Variants in PRKN observed in about 807,000 individuals in gnomAD.
The protein encoded by PRKN is E3 ubiquitin-protein ligase parkin.
PRKN carries 56 observed loss-of-function variants against 59.5 expected under a neutral mutation model. The ratio of observed to expected loss-of-function variants is 0.94; its 90% CI spans 0.76 to 1.18. The LOEUF (loss-of-function observed/expected upper bound fraction) is 1.18. Ranked by LOEUF, PRKN falls within the 50% of genes most tolerant of loss-of-function variation. The probability of loss-of-function intolerance (pLI) is 0.00; values close to 1 mark genes in which losing one functional copy is unlikely to be tolerated. For missense variants in PRKN, 657 were observed against 596.4 expected (o/e 1.10, Z -1.06); for synonymous variants, 250 against 222.1 (o/e 1.13, Z -1.12).
At chr6:161,733,202 A>C (rs1192196939) in intron 7 of PRKN, among the ~76,000 whole-genome samples, 1 of 152,198 alleles carries the variant, frequency 6.6e-6, no homozygotes, top group Non-Finnish European at 1.5e-5. Context: ...AATTTAGGAC[A>C]ATATGGATTT....
intron 7 of PRKN, among the ~76,000 whole-genome samples, chr6:161,700,548 T>C (rs1182305328): frequency 6.6e-6 from 1 of 152,192 alleles, no homozygotes; most frequent in East Asian, 1.9e-4. Flanking sequence ...GGTTAGCTGT[T>C]GGAGGCTACA....
chr6:162,552,301 T>C (rs774291987), intron 1 of PRKN, among the ~76,000 whole-genome samples: 49 of 152,082 alleles, frequency 3.2e-4, no homozygotes, highest in Admixed American at 3.9e-4. Context: ...AAACGGGGTT[T>C]TAGCAGGAAA....
At chr6:162,156,734 G>A (rs147897511) in intron 4 of PRKN, among the ~76,000 whole-genome samples, 2,738 of 152,200 alleles carry the variant, frequency 0.018, 83 homozygotes, top group African/African-American at 0.061. Context: ...GACACACCCA[G>A]GAACAATACT....
intron 1 of PRKN, among the ~76,000 whole-genome samples, chr6:162,720,573 C>T (rs1371411659): frequency 1.3e-5 from 2 of 151,176 alleles, no homozygotes; most frequent in Non-Finnish European, 2.9e-5. Flanking sequence ...GCCTCAGCCT[C>T]CCGAGTAGCT....
chr6:162,107,827 T>G (rs959342389), intron 4 of PRKN, among the ~76,000 whole-genome samples: 1 of 152,186 alleles, frequency 6.6e-6, no homozygotes, highest in Non-Finnish European at 1.5e-5. Flanking sequence ...TCCATAAACT[T>G]TTCCTATTTC....
At chr6:161,801,918 C>G (rs1320895801) in intron 6 of PRKN, among the ~76,000 whole-genome samples, 1 of 152,128 alleles carries the variant, frequency 6.6e-6, no homozygotes, top group Non-Finnish European at 1.5e-5. Context: ...TTCATTCCTT[C>G]ATTCAACTAA....
chr6:162,189,368 TC>T (rs1291903924), intron 4 of PRKN, among the ~76,000 whole-genome samples: 2 of 151,396 alleles, frequency 1.3e-5, no homozygotes, highest in Non-Finnish European at 2.9e-5. Flanking sequence ...CTAATTATCT[TC>T]TATAGGAGGG....
chr6:162,329,397 C>T (rs1227168069), intron 2 of PRKN, among the ~76,000 whole-genome samples: 1 of 152,070 alleles, frequency 6.6e-6, no homozygotes, highest in Non-Finnish European at 1.5e-5. Context: ...TCGATGGCTC[C>T]TTTTAGCACT....
At chr6:161,420,633 G>C (rs4521560) in intron 9 of PRKN, among the ~76,000 whole-genome samples, 140,741 of 152,148 alleles carry the variant, frequency 0.93, 65,209 homozygotes, top group African/African-American at 0.97. Context: ...CCACCTCAGC[G>C]TCCTGAGCTG....
chr6:161,647,466 A>C (rs1363265084), intron 7 of PRKN, among the ~76,000 whole-genome samples: 1 of 152,154 alleles, frequency 6.6e-6, no homozygotes, highest in African/African-American at 2.4e-5. Flanking sequence ...AGAGCATAGT[A>C]AGCAGAGATG....
chr6:161,938,037 C>T (rs1161253310), intron 6 of PRKN, among the ~76,000 whole-genome samples: 1 of 152,064 alleles, frequency 6.6e-6, no homozygotes, highest in Non-Finnish European at 1.5e-5. Context: ...AATTGGACAA[C>T]CTAGGTCAAT....
At chr6:162,346,427 G>T (rs1562689897) in intron 2 of PRKN, among the ~76,000 whole-genome samples, 1 of 147,316 alleles carries the variant, frequency 6.8e-6, no homozygotes, top group Non-Finnish European at 1.5e-5. Context: ...ACCAGCCTGG[G>T]CAACATAGTG....
intron 1 of PRKN, among the ~76,000 whole-genome samples, chr6:162,451,858 TA>T (rs1790643699): frequency 6.6e-6 from 1 of 152,126 alleles, no homozygotes; most frequent in South Asian, 2.1e-4. Flanking sequence ...TGTGATGAAA[TA>T]AATAAATTTA....
chr6:162,614,136 C>T (rs1782302464), intron 1 of PRKN, among the ~76,000 whole-genome samples: 1 of 151,718 alleles, frequency 6.6e-6, no homozygotes. Flanking sequence ...CTTTTGTCTT[C>T]TCCTATAGTA....
rs143737718 is a variant in PRKN at position 162,094,404 on chromosome 6, G to A, written c.535-40230C>T. On this transcript the variant is annotated intron_variant, in intron 4 of 11. Coordinates refer to ENST00000366898, the MANE Select transcript of PRKN (RefSeq NM_004562.3). Reference sequence around the variant, plus strand: ...GAGGCTGAGGCAGGAGGATTGCTTGGGCCCAGGAGGTTGGGGCTGCAGGCA... The same window carrying A: ...GAGGCTGAGGCAGGAGGATTGCTTGAGCCCAGGAGGTTGGGGCTGCAGGCA... Among the ~76,000 whole-genome samples the A allele has an allele frequency of 9.6e-4, 146 of 152,132 alleles. 4 individuals are homozygous for A. In the East Asian group the frequency reaches 0.026, roughly 27 times the overall value.
At chr6:161,882,970 A>G (rs1232367542) in intron 6 of PRKN, among the ~76,000 whole-genome samples, 2 of 151,806 alleles carry the variant, frequency 1.3e-5, no homozygotes, top group African/African-American at 4.8e-5. Flanking sequence ...ATGCCACAGC[A>G]CTCCAGCCTG....
intron 2 of PRKN, among the ~76,000 whole-genome samples, chr6:162,415,742 G>A (rs1469791137): frequency 1.3e-5 from 2 of 152,088 alleles, no homozygotes; most frequent in South Asian, 2.1e-4. Context: ...GCTTGAACCC[G>A]GGAGGCAGAG....
At chr6:162,682,686 T>C (rs1018640360) in intron 1 of PRKN, among the ~76,000 whole-genome samples, 4 of 152,104 alleles carry the variant, frequency 2.6e-5, no homozygotes, top group Admixed American at 6.6e-5. Context: ...AAATTATTTG[T>C]ATATCAGATC....
chr6:162,494,969 A>G (rs59456997), intron 1 of PRKN, among the ~76,000 whole-genome samples: 2,696 of 152,344 alleles, frequency 0.018, 73 homozygotes, highest in African/African-American at 0.062. Flanking sequence ...GGCGAAGCCA[A>G]AAAGAACGAT....
Sources: allele counts gnomAD v4.1 joint callset (sites outside exome capture counted in the v4.1 genomes callset), GRCh38; gene constraint gnomAD v4.1.1; transcripts MANE v1.5; gene names NCBI Gene and HGNC (gene_info 2026-07-23, HGNC 2026-07-21).